GALNTL6: variants seen among roughly 807,000 people sequenced by gnomAD.
GALNTL6 encodes the protein polypeptide N-acetylgalactosaminyltransferase-like 6.
In GALNTL6, 46 loss-of-function variants were observed where a neutral mutation model predicts 73.7. The ratio of observed to expected loss-of-function variants is 0.62; its 90% CI spans 0.49 to 0.80. The LOEUF (loss-of-function observed/expected upper bound fraction) is 0.80. Among genes scored for constraint, GALNTL6 ranks in the 30% least tolerant of loss-of-function variants. The probability of loss-of-function intolerance (pLI) is 0.00; values close to 1 mark genes in which losing one functional copy is unlikely to be tolerated. For synonymous variants in GALNTL6, 259 were observed against 263.7 expected (o/e 0.98, Z 0.17); for missense variants, 604 against 755.0 (o/e 0.80, Z 2.34).
At chr4:171,902,384 T>A (rs937578641) in intron 2 of GALNTL6, among the ~76,000 whole-genome samples, 1 of 152,226 alleles carries the variant, frequency 6.6e-6, no homozygotes, top group African/African-American at 2.4e-5. Context: ...GAATGCTGAT[T>A]TCATCATCTT....
At chr4:172,079,482 T>A (rs561526932) in intron 2 of GALNTL6, among the ~76,000 whole-genome samples, 5 of 152,168 alleles carry the variant, frequency 3.3e-5, no homozygotes, top group African/African-American at 1.2e-4. Context: ...TATTGATAAA[T>A]CATAAATACT....
chr4:172,202,365 GTAAA>G (rs570423690), intron 2 of GALNTL6, among the ~76,000 whole-genome samples: 169 of 152,152 alleles, frequency 1.1e-3, no homozygotes, highest in African/African-American at 3.7e-3. Context: ...TATTGGGTAA[GTAAA>G]TAAATAAATA....
At chr4:173,035,270 C>G (rs1753645439) in intron 12 of GALNTL6, among the ~76,000 whole-genome samples, 1 of 151,960 alleles carries the variant, frequency 6.6e-6, no homozygotes, top group East Asian at 1.9e-4. Flanking sequence ...CCTCCGCCTC[C>G]CAGGTTCAAG....
At chr4:172,279,432 A>T (rs1738950406) in intron 3 of GALNTL6, among the ~76,000 whole-genome samples, 2 of 152,202 alleles carry the variant, frequency 1.3e-5, no homozygotes, top group Non-Finnish European at 1.5e-5. Flanking sequence ...CAAAGCAGAT[A>T]TACAAAATAT....
intron 2 of GALNTL6, among the ~76,000 whole-genome samples, chr4:171,923,891 C>T (rs1446170655): frequency 6.7e-6 from 1 of 149,828 alleles, no homozygotes; most frequent in Non-Finnish European, 1.5e-5. Context: ...TAAGAATTAG[C>T]TTATTCAACT....
chr4:172,197,514 G>A (rs1735812149), intron 2 of GALNTL6, among the ~76,000 whole-genome samples: 1 of 152,052 alleles, frequency 6.6e-6, no homozygotes, highest in Admixed American at 6.6e-5. Flanking sequence ...CAAAAGTGGA[G>A]GCCTCATGCT....
chr4:172,521,411 C>G (rs543657461), intron 5 of GALNTL6, among the ~76,000 whole-genome samples: 1 of 152,242 alleles, frequency 6.6e-6, no homozygotes, highest in Non-Finnish European at 1.5e-5. Context: ...ATTTTTAGCA[C>G]CTCATCATAA....
chr4:171,957,008 G>A (rs1056589696), intron 2 of GALNTL6, among the ~76,000 whole-genome samples: 3 of 152,246 alleles, frequency 2.0e-5, no homozygotes, highest in Non-Finnish European at 4.4e-5. Context: ...AGTGGGCATC[G>A]TCCCAGCTCA....
intron 5 of GALNTL6, among the ~76,000 whole-genome samples, chr4:172,434,220 C>A (rs951333144): frequency 1.3e-5 from 2 of 152,056 alleles, no homozygotes; most frequent in Middle Eastern, 3.4e-3. Context: ...TAAGAGAGTT[C>A]TTGTATAACT....
At chr4:172,460,929 T>G (rs1311556142) in intron 5 of GALNTL6, among the ~76,000 whole-genome samples, 1 of 152,170 alleles carries the variant, frequency 6.6e-6, no homozygotes, top group Non-Finnish European at 1.5e-5. Flanking sequence ...TATGTTTATT[T>G]CAGCACTATT....
At chr4:171,868,617 C>T (rs1348026742) in intron 2 of GALNTL6, among the ~76,000 whole-genome samples, 2 of 152,160 alleles carry the variant, frequency 1.3e-5, no homozygotes, top group African/African-American at 2.4e-5. Context: ...AATATTCTAC[C>T]TCCCTTGAAT....
intron 3 of GALNTL6, among the ~76,000 whole-genome samples, chr4:172,302,177 G>T (rs539184406): frequency 4.6e-5 from 7 of 152,324 alleles, no homozygotes; most frequent in Admixed American, 4.6e-4. Flanking sequence ...CCAGGCATGG[G>T]ATGTAATCTC....
chr4:172,021,720 T>C (rs1741406979), intron 2 of GALNTL6, among the ~76,000 whole-genome samples: 1 of 150,678 alleles, frequency 6.6e-6, no homozygotes, highest in South Asian at 2.1e-4. Context: ...ACCAAAAGAG[T>C]TTGTTTCTAG....
intron 5 of GALNTL6, among the ~76,000 whole-genome samples, chr4:172,440,221 C>T (rs761714732): frequency 6.6e-6 from 1 of 152,016 alleles, no homozygotes; most frequent in Non-Finnish European, 1.5e-5. Context: ...AATTACCTAA[C>T]CTTGGAAAAA....
At chr4:172,948,000 A>C (rs1041099434) in intron 9 of GALNTL6, among the ~76,000 whole-genome samples, 14 of 152,234 alleles carry the variant, frequency 9.2e-5, no homozygotes, top group Admixed American at 4.6e-4. Flanking sequence ...TTATGATTCC[A>C]GTGACAAACT....
intron 5 of GALNTL6, among the ~76,000 whole-genome samples, chr4:172,552,836 G>GGAAAAAA (rs1736003479): frequency 3.5e-4 from 1 of 2,854 alleles, no homozygotes; most frequent in Non-Finnish European, 5.4e-4. Flanking sequence ...AGTAATTGCA[G>GGAAAAAA]TAAAAAAAAA....
At chr4:172,780,198 T>G (rs937660959) in intron 5 of GALNTL6, among the ~76,000 whole-genome samples, 13 of 152,182 alleles carry the variant, frequency 8.5e-5, no homozygotes, top group African/African-American at 2.7e-4. Flanking sequence ...AATTAGAATC[T>G]TTTCCTTTAA....
chr4:172,681,307 T>G (rs1732620812), intron 5 of GALNTL6, among the ~76,000 whole-genome samples: 1 of 152,132 alleles, frequency 6.6e-6, no homozygotes, highest in Non-Finnish European at 1.5e-5. Context: ...TCACATTTTA[T>G]TGATTTAATA....
chr4:172,284,972 C>A (rs972144499), intron 3 of GALNTL6, among the ~76,000 whole-genome samples: 54 of 152,174 alleles, frequency 3.5e-4, no homozygotes, highest in South Asian at 6.2e-4. Flanking sequence ...TATTCTAATT[C>A]TTTGAAAAAT....
Sources: gnomAD v4.1 joint callset for allele counts (sites outside exome capture counted in the v4.1 genomes callset) on GRCh38, gnomAD v4.1.1 for gene constraint, MANE v1.5 for transcripts, NCBI Gene and HGNC (gene_info 2026-07-23, HGNC 2026-07-21) for gene names.